The following PRRC2C variants were observed in gnomAD, a reference collection of about 807,000 sequenced individuals.
The protein encoded by PRRC2C is protein PRRC2C.
PRRC2C carries 72 observed loss-of-function variants against 317.2 expected under a neutral mutation model. The ratio of observed to expected loss-of-function variants is 0.23; its 90% confidence interval spans 0.19 to 0.28. The LOEUF (loss-of-function observed/expected upper bound fraction) is 0.28. Ranked by LOEUF, PRRC2C falls within the 10% of genes least tolerant of loss-of-function variation. The pLI is 1.00. For missense variants in PRRC2C, 3,074 were observed against 3,459.7 expected, an observed-to-expected ratio of 0.89 and a Z score of 2.80; for synonymous variants, 1,296 against 1,205.9, an observed-to-expected ratio of 1.07 and a Z score of -1.55.
At position 171,587,184 on chromosome 1, in the gene PRRC2C, C is replaced by G. The variant is rs1431026273; in HGVS notation, c.7931C>G (p.Ala2644Gly). The part of the protein sequence containing the change: ...VSQPFRGLIP[A>G]GTQHSMIATT... ...CAGCCTTTCAGAGGATTAATTCCTG[C>G]TGGAACACAGCATAGCATGATTGCA... Residue 2644 changes from alanine (A) to glycine (G), a missense_variant, in exon 31 of 35, where the codon GCT (alanine) becomes GGT (glycine). By Grantham distance (60) the Ala-to-Gly change is moderately conservative. This residue lies in a region of PRRC2C where 490 missense variants were observed against 663.1 expected (regional missense o/e 0.74). Coordinates refer to ENST00000647382, the MANE Select transcript of PRRC2C (RefSeq NM_001387844.1). 2 of 1,608,124 alleles carry G rather than the reference C, an allele frequency of 1.2e-6. No individual in the cohort carries two copies. Among genetic ancestry groups the G allele is most frequent in the African/African-American group, 2.7e-5 (2 of 74,806 alleles).
At chr1:171,553,361 T>C (rs545389517) in intron 18 of PRRC2C, among the ~76,000 whole-genome samples, 2 of 152,192 alleles carry the variant, frequency 1.3e-5, no homozygotes, top group Non-Finnish European at 2.9e-5. Flanking sequence ...TTTTCTTCTT[T>C]ATTAGTCTTG....
intron 19 of PRRC2C, among the ~76,000 whole-genome samples, chr1:171,558,470 GTCT>G (rs1395471493): frequency 1.3e-5 from 2 of 151,950 alleles, no homozygotes; most frequent in African/African-American, 2.4e-5. Flanking sequence ...TGTCAAGCAA[GTCT>G]TCTGGTGTCA....
chr1:171,558,524 AT>A (rs1185632924), intron 19 of PRRC2C, among the ~76,000 whole-genome samples: 1 of 152,116 alleles, frequency 6.6e-6, no homozygotes, highest in East Asian at 1.9e-4. Context: ...TCTGTGTCAC[AT>A]TTTGGTCATT....
chr1:171,566,531 G>A (rs1683698324), intron 21 of PRRC2C, 61 bp from the exon 22 acceptor site: 1 of 1,483,894 alleles, frequency 6.7e-7, no homozygotes, highest in Non-Finnish European at 9.0e-7. Flanking sequence ...TGATCATGGT[G>A]CAATGATGAA....
chr1:171,573,957 G>A (rs1184047238), intron 24 of PRRC2C, among the ~76,000 whole-genome samples: 1 of 151,830 alleles, frequency 6.6e-6, no homozygotes, highest in Non-Finnish European at 1.5e-5. Flanking sequence ...GATTACAGGG[G>A]TGAGCCACCG....
rs373193280 is a variant in PRRC2C at position 171,535,481 on chromosome 1, A to C, written c.1927A>C (p.Thr643Pro). ...CAGCAATCGCAGTGAAAAGGAAGCCACACCAGTGGTGCATGAAACAGAACC... is the reference window on the plus strand; with the variant it reads ...CAGCAATCGCAGTGAAAAGGAAGCCCCACCAGTGGTGCATGAAACAGAACC... ...QDSNRSEKEATPVVHETEPES... is the reference protein window; with the variant it reads ...QDSNRSEKEAPPVVHETEPES... Residue 643 changes from threonine to proline, a missense_variant, in exon 13 of 35, where the codon ACA becomes CCA. Thr to Pro is a conservative substitution (Grantham distance 38). Transcript: ENST00000647382. 7.4e-6 allele frequency: 12 copies of C among 1,613,854 alleles called. No homozygotes were observed. The highest frequency in any genetic ancestry group is 4.0e-5 in the African/African-American group (3 of 74,938).
intron 1 of PRRC2C, among the ~76,000 whole-genome samples, chr1:171,499,920 T>C (rs1281222910): frequency 1.3e-5 from 2 of 152,254 alleles, no homozygotes; most frequent in Non-Finnish European, 2.9e-5. Flanking sequence ...TATTTAACTT[T>C]TATATTTATA....
In PRRC2C at chr1:171,591,619, G is replaced by T; in HGVS notation, c.8469G>T (p.Thr2823=). 1.9e-6 allele frequency: 3 copies of T among 1,613,820 alleles called. No homozygotes were observed. Among genetic ancestry groups the T allele is most frequent in the Non-Finnish European group, 2.5e-6 (3 of 1,179,836 alleles). The change falls in exon 35 of 35, where the codon ACG becomes ACT. Residue 2823 remains threonine (T), a synonymous_variant. Coordinates refer to ENST00000647382, the MANE Select transcript of PRRC2C (RefSeq NM_001387844.1). ...AKQRAEVLQS[T]QRFFSEQQQS... ...AGAGAGCAGAGGTTCTTCAGTCCAC[G>T]CAACGGTTCTTCTCTGAACAGCAAC...
intron 24 of PRRC2C, 93 bp downstream of exon 24, chr1:171,571,514 T>C (rs1684770187): frequency 4.4e-6 from 4 of 918,854 alleles, no homozygotes; most frequent in African/African-American, 1.6e-5. Flanking sequence ...ACTAGATTTA[T>C]GTGGTAAGCA....
At chr1:171,550,346 C>T in intron 18 of PRRC2C, 106 bp downstream of exon 18, 2 of 1,027,116 alleles carry the variant, frequency 1.9e-6, no homozygotes, top group Non-Finnish European at 2.7e-6. Context: ...TTTCATTATT[C>T]AAGTGTTAAA....
chr1:171,523,142 C>G, intron 7 of PRRC2C, 79 bp from the exon 8 acceptor site: 1 of 1,339,140 alleles, frequency 7.5e-7, no homozygotes, highest in Non-Finnish European at 1.0e-6. Context: ...TTGAAATGAA[C>G]TAAATTCCAA....
At chr1:171,555,875 C>T (rs747775149) in intron 18 of PRRC2C, among the ~76,000 whole-genome samples, 19 of 152,196 alleles carry the variant, frequency 1.2e-4, no homozygotes, top group Admixed American at 5.2e-4. Flanking sequence ...TACACAGGGC[C>T]AGGGACCCAC....
intron 11 of PRRC2C, among the ~76,000 whole-genome samples, chr1:171,531,933 C>T: frequency 6.6e-6 from 1 of 152,206 alleles, no homozygotes; most frequent in East Asian, 1.9e-4. Context: ...GGCTCACATG[C>T]CATCATTTTG....
intron 11 of PRRC2C, among the ~76,000 whole-genome samples, chr1:171,531,803 A>G (rs1385279316): frequency 6.6e-6 from 1 of 152,188 alleles, no homozygotes; most frequent in Non-Finnish European, 1.5e-5. Context: ...TTCTTCACCC[A>G]GACTAATTTG....
In PRRC2C at chr1:171,561,195, C is replaced by A. The variant is rs918915626; in HGVS notation, c.6117+92C>A. ...TGGTGGCTTACACCTGTAATCCTAG[C>A]GTGGTGGGAGGGTTACTTGAGTCCG... On this transcript the variant is annotated intron_variant, in intron 20 of 34. Transcript: ENST00000647382. 3.3e-5 allele frequency: 41 copies of A among 1,241,688 alleles called. 1 individual carries two copies. The Admixed American group carries it at 4.9e-4, about 15-fold the overall frequency. 76.9% of individuals were successfully genotyped at this position (1,241,688 alleles called of 1,614,324 possible).
At position 171,541,707 on chromosome 1, in the gene PRRC2C, A is replaced by C; in HGVS notation, c.4241A>C (p.Lys1414Thr). ...AAACGACCTCCAAAATTTGAGCGAA[A>C]ATTTGACCCAGCTAGAGAAAGGCCT... is the stretch of plus-strand genomic sequence containing the variant. Reference protein sequence around the residue: ...ADKRPPKFERKFDPARERPRR... With the variant: ...ADKRPPKFERTFDPARERPRR... Residue 1414 changes from lysine (K) to threonine (T), a missense_variant, in exon 16 of 35, where the codon AAA becomes ACA. Transcript: ENST00000647382. The surrounding 1 kb of genome is among the most constrained non-coding windows in gnomAD (Gnocchi z 4.1). 1 of 1,613,906 alleles carries C rather than the reference A, an allele frequency of 6.2e-7. No individual in the cohort carries two copies. The highest frequency in any genetic ancestry group is 8.5e-7 in the Non-Finnish European group (1 of 1,179,868).
intron 24 of PRRC2C, among the ~76,000 whole-genome samples, chr1:171,573,832 C>T (rs994022815): frequency 9.2e-5 from 14 of 151,720 alleles, no homozygotes; most frequent in South Asian, 4.2e-4. Context: ...GCGCACACCA[C>T]GCCCGGCTAA....
chr1:171,556,451 T>G (rs1278175418), intron 18 of PRRC2C, among the ~76,000 whole-genome samples: 1 of 152,168 alleles, frequency 6.6e-6, no homozygotes, highest in Non-Finnish European at 1.5e-5. Context: ...CCAGTCCCAG[T>G]GAGATGAACC....
chr1:171,570,785 T>G (rs1684656355), intron 23 of PRRC2C, among the ~76,000 whole-genome samples: 1 of 152,230 alleles, frequency 6.6e-6, no homozygotes, highest in South Asian at 2.1e-4. Context: ...TTAACCATAT[T>G]GCAGGAAAGA....
Sources: allele counts gnomAD v4.1 joint callset (sites outside exome capture counted in the v4.1 genomes callset), GRCh38; gene constraint gnomAD v4.1.1; regional missense constraint gnomAD v4.1.1; non-coding constraint Gnocchi (gnomAD v3.1); transcripts MANE v1.5; gene names NCBI Gene and HGNC (gene_info 2026-07-23, HGNC 2026-07-21).